Variants in VRK2 observed in about 807,000 individuals in gnomAD.
VRK2 encodes serine/threonine-protein kinase VRK2.
A neutral mutation model predicts 57.6 loss-of-function variants in VRK2; 60 were observed. The observed-to-expected ratio is 1.04, with a 90% CI of 0.85 to 1.29. The LOEUF (loss-of-function observed/expected upper bound fraction) is 1.29. VRK2 is among the 50% of genes most tolerant of loss of function. The pLI is 0.00. For missense variants in VRK2, 705 were observed against 588.1 expected, an observed-to-expected ratio of 1.20 and a Z score of -2.06; for synonymous variants, 231 against 199.2, an observed-to-expected ratio of 1.16 and a Z score of -1.35.
intron 2 of VRK2, among the ~76,000 whole-genome samples, chr2:58,062,004 G>GT (rs1677413509): frequency 6.6e-6 from 1 of 151,930 alleles, no homozygotes; most frequent in Non-Finnish European, 1.5e-5. Context: ...CAGATACTGT[G>GT]TTTTTTTACA....
At chr2:58,099,224 C>T (rs1307971213) in intron 7 of VRK2, among the ~76,000 whole-genome samples, 1 of 151,978 alleles carries the variant, frequency 6.6e-6, no homozygotes, top group Non-Finnish European at 1.5e-5. Flanking sequence ...TGCAGATGCT[C>T]ACATCTGGAA....
At chr2:58,104,378 A>G (rs1674442125) in intron 7 of VRK2, among the ~76,000 whole-genome samples, 1 of 151,904 alleles carries the variant, frequency 6.6e-6, no homozygotes, top group African/African-American at 2.4e-5. Flanking sequence ...AGGATATAAA[A>G]TCAATGTATA....
At chr2:57,994,216 T>C (rs1419492442) in intron 1 of VRK2, among the ~76,000 whole-genome samples, 2 of 152,192 alleles carry the variant, frequency 1.3e-5, no homozygotes, top group Non-Finnish European at 2.9e-5. Context: ...TGTAAGGTCA[T>C]GGTTAGCTTT....
intron 2 of VRK2, among the ~76,000 whole-genome samples, chr2:58,030,129 A>G (rs1412354611): frequency 6.6e-6 from 1 of 151,976 alleles, no homozygotes; most frequent in Non-Finnish European, 1.5e-5. Flanking sequence ...TGTATTTTAG[A>G]TTGTCTGAGG....
intron 2 of VRK2, among the ~76,000 whole-genome samples, chr2:58,056,505 A>C (rs1340074378): frequency 6.6e-6 from 1 of 152,186 alleles, no homozygotes; most frequent in Non-Finnish European, 1.5e-5. Flanking sequence ...AAGTGACATG[A>C]GCCAACAAAG....
intron 2 of VRK2, among the ~76,000 whole-genome samples, chr2:58,062,595 A>G (rs1363448026): frequency 6.6e-6 from 1 of 152,094 alleles, no homozygotes; most frequent in African/African-American, 2.4e-5. Context: ...ATAAGGAGAA[A>G]GTTTCAGTGG....
chr2:58,086,639 T>C (rs1051933677), intron 5 of VRK2, among the ~76,000 whole-genome samples: 4 of 152,220 alleles, frequency 2.6e-5, no homozygotes, highest in African/African-American at 9.6e-5. Flanking sequence ...GTCAGCTGTC[T>C]GCTGGGTTAC....
intron 2 of VRK2, among the ~76,000 whole-genome samples, chr2:58,082,728 G>A (rs371408134): frequency 9.9e-5 from 15 of 151,918 alleles, no homozygotes; most frequent in Admixed American, 7.2e-4. Flanking sequence ...GAATGAAGGC[G>A]AAAAGATAAT....
chr2:58,116,599 A>G (rs935861641), intron 7 of VRK2, among the ~76,000 whole-genome samples: 5 of 152,256 alleles, frequency 3.3e-5, no homozygotes, highest in Non-Finnish European at 5.9e-5. Context: ...AAGGGGACGG[A>G]CTTACCCTCC....
At chr2:58,111,805 A>G (rs2104414918) in intron 7 of VRK2, among the ~76,000 whole-genome samples, 1 of 152,256 alleles carries the variant, frequency 6.6e-6, no homozygotes, top group Admixed American at 6.5e-5. Context: ...AAAAGGTAAT[A>G]TATAAAAAAC....
At chr2:58,108,553 A>C (rs2104395532) in intron 7 of VRK2, among the ~76,000 whole-genome samples, 1 of 151,804 alleles carries the variant, frequency 6.6e-6, no homozygotes, top group East Asian at 1.9e-4. Flanking sequence ...GTTTCCACCA[A>C]CTTCTCCGCC....
chr2:57,986,596 AT>A (rs11452161), intron 1 of VRK2, among the ~76,000 whole-genome samples: 2,791 of 124,386 alleles, frequency 0.022, 48 homozygotes, highest in African/African-American at 0.066. Flanking sequence ...AGTTCAATCG[AT>A]TTTTTTTTTT....
chr2:57,983,169 T>C (rs1162099146), intron 1 of VRK2, among the ~76,000 whole-genome samples: 2 of 152,200 alleles, frequency 1.3e-5, no homozygotes, highest in Non-Finnish European at 2.9e-5. Flanking sequence ...TATGCTGATC[T>C]ACTTGAGGGC....
At chr2:58,019,494 T>G (rs1673684326) in intron 1 of VRK2, among the ~76,000 whole-genome samples, 1 of 152,148 alleles carries the variant, frequency 6.6e-6, no homozygotes, top group Non-Finnish European at 1.5e-5. Context: ...ATAGAAAGCT[T>G]TGACCTAAAT....
chr2:58,135,306 G>T (rs2104562411), intron 10 of VRK2, 107 bp downstream of exon 10: 3 of 1,159,584 alleles, frequency 2.6e-6, no homozygotes, highest in South Asian at 1.3e-5. Flanking sequence ...ATTCCCATCA[G>T]GGTGGGAAGG....
chr2:57,926,994 T>C (rs1260131779), intron 1 of VRK2, among the ~76,000 whole-genome samples: 1 of 55,296 alleles, frequency 1.8e-5, no homozygotes, highest in Non-Finnish European at 4.1e-5. Flanking sequence ...TATGTTTTAA[T>C]TTCTTGTGTG....
chr2:58,069,783 A>G (rs1669133900), intron 2 of VRK2, among the ~76,000 whole-genome samples: 1 of 152,146 alleles, frequency 6.6e-6, no homozygotes, highest in Non-Finnish European at 1.5e-5. Context: ...GACTTAGGAT[A>G]TTCATTTCCT....
intron 1 of VRK2, among the ~76,000 whole-genome samples, chr2:57,972,379 T>G (rs1377549749): frequency 6.6e-6 from 1 of 151,918 alleles, no homozygotes; most frequent in Non-Finnish European, 1.5e-5. Context: ...TAATTCCTAA[T>G]AACATTAATG....
intron 1 of VRK2, among the ~76,000 whole-genome samples, chr2:57,979,087 C>A (rs1672337702): frequency 6.6e-6 from 1 of 151,056 alleles, no homozygotes; most frequent in African/African-American, 2.5e-5. Flanking sequence ...TGGGTTGGTT[C>A]CATGTCTTTC....
Sources: gnomAD v4.1 joint callset for allele counts (sites outside exome capture counted in the v4.1 genomes callset) on GRCh38, gnomAD v4.1.1 for gene constraint, MANE v1.5 for transcripts, NCBI Gene and HGNC (gene_info 2026-07-23, HGNC 2026-07-21) for gene names.